The following PLD5 variants were observed in gnomAD, a reference collection of about 807,000 sequenced individuals.
The protein encoded by PLD5 is inactive phospholipase D5.
Under a neutral mutation model 61.1 loss-of-function variants are expected in PLD5, and 36 were observed. The observed-to-expected ratio is 0.59, with a 90% confidence interval of 0.45 to 0.78. The LOEUF (loss-of-function observed/expected upper bound fraction) is 0.78, where lower values mean the gene tolerates loss of function less well. Among genes scored for constraint, PLD5 ranks in the 30% least tolerant of loss-of-function variants. The probability of loss-of-function intolerance (pLI) is 0.00; values close to 1 mark genes in which losing one functional copy is unlikely to be tolerated. For missense variants in PLD5, 515 were observed against 644.4 expected, an observed-to-expected ratio of 0.80 and a Z score of 2.17; for synonymous variants, 243 against 242.8, an observed-to-expected ratio of 1.00 and a Z score of -0.01.
rs1449658368 is a variant in PLD5 at position 242,387,891 on chromosome 1, C to CT, written c.190-39650dup. ...GCATTAAGACTGTAGTTGACAGAGA[C>CT]TGAAAAGGTAAGGTTTGGTCTTGTT... is the stretch of plus-strand genomic sequence containing the variant. On this transcript the variant is annotated intron_variant, in intron 1 of 9. Coordinates refer to ENST00000536534, the MANE Select transcript of PLD5 (RefSeq NM_001372062.1). Among the ~76,000 whole-genome samples, 6 of 152,128 alleles carry CT rather than the reference C, an allele frequency of 3.9e-5. No individual in the cohort carries two copies. The East Asian group carries it at 9.7e-4, about 24-fold the overall frequency.
intron 1 of PLD5, among the ~76,000 whole-genome samples, chr1:242,465,267 G>GA (rs972065907): frequency 6.6e-6 from 1 of 152,142 alleles, no homozygotes; most frequent in African/African-American, 2.4e-5. Flanking sequence ...AATATATCCA[G>GA]AAGCCGAACC....
Position 242,090,206 on chromosome 1 carries a change from C to A in PLD5, c.1355-96G>T, listed in dbSNP as rs919847563. On this transcript the variant is annotated intron_variant, in intron 9 of 9. Transcript: ENST00000536534. ...CAGAGTGGATTCTATTAAAAATCATCAACATCCAGGAATAACAACGGAGAG... is the reference window on the plus strand; with the variant it reads ...CAGAGTGGATTCTATTAAAAATCATAAACATCCAGGAATAACAACGGAGAG... 23 of 1,475,448 alleles carry A rather than the reference C, an allele frequency of 1.6e-5. No individual in the cohort carries two copies. In the African/African-American group the frequency reaches 2.1e-4, roughly 14 times the overall value. The allele number at this position is 1,475,448 out of a possible 1,614,324, so 91.4% of individuals were successfully genotyped here.
intron 1 of PLD5, among the ~76,000 whole-genome samples, chr1:242,440,837 T>C (rs1190265592): frequency 1.3e-5 from 2 of 152,230 alleles, no homozygotes; most frequent in African/African-American, 4.8e-5. Context: ...CCTACTGCTC[T>C]GTCCATTACT....
intron 1 of PLD5, among the ~76,000 whole-genome samples, chr1:242,359,273 G>T (rs1319475833): frequency 1.3e-5 from 2 of 152,152 alleles, no homozygotes; most frequent in African/African-American, 2.4e-5. Context: ...TGTCAGAGAA[G>T]TTAGATGTCT....
chr1:242,171,657 G>T (rs1666756420), intron 5 of PLD5, among the ~76,000 whole-genome samples: 1 of 150,146 alleles, frequency 6.7e-6, no homozygotes, highest in Non-Finnish European at 1.5e-5. Context: ...ATCTCACATG[G>T]AAAAAACCAC....
chr1:242,485,579 G>A (rs937375182), intron 1 of PLD5, among the ~76,000 whole-genome samples: 2 of 152,236 alleles, frequency 1.3e-5, no homozygotes, highest in East Asian at 1.9e-4. Context: ...ACAAACAAAT[G>A]GAAGAACATT....
intron 4 of PLD5, among the ~76,000 whole-genome samples, chr1:242,235,043 A>T (rs1671550653): frequency 6.6e-6 from 1 of 152,192 alleles, no homozygotes; most frequent in Admixed American, 6.5e-5. Context: ...GAGTTTCGTG[A>T]GCTCTAAATG....
At chr1:242,219,242 A>G (rs1670411848) in intron 5 of PLD5, among the ~76,000 whole-genome samples, 1 of 152,226 alleles carries the variant, frequency 6.6e-6, no homozygotes, top group South Asian at 2.1e-4. Context: ...CTAATTTAAG[A>G]TAGATGATTA....
intron 1 of PLD5, chr1:242,377,401 G>T: frequency 1.6e-6 from 2 of 1,224,644 alleles, no homozygotes; most frequent in South Asian, 1.3e-5. Flanking sequence ...TCTAACTTCC[G>T]CTTGGGACTG....
chr1:242,426,683 T>G (rs1228604850), intron 1 of PLD5, among the ~76,000 whole-genome samples: 6 of 152,256 alleles, frequency 3.9e-5, no homozygotes, highest in Non-Finnish European at 8.8e-5. Context: ...TCTCCTCAGC[T>G]TAAAACAGGA....
intron 1 of PLD5, among the ~76,000 whole-genome samples, chr1:242,361,969 ATTTT>A (rs1172656842): frequency 1.5e-5 from 2 of 137,578 alleles, no homozygotes; most frequent in African/African-American, 2.7e-5. Flanking sequence ...ACCTCATCTC[ATTTT>A]TTTTTTTTTT....
At chr1:242,412,907 G>T (rs995117) in intron 1 of PLD5, among the ~76,000 whole-genome samples, 62,157 of 151,970 alleles carry the variant, frequency 0.41, 13,421 homozygotes, top group African/African-American at 0.55. Flanking sequence ...TTCTGGAGGG[G>T]CTGCACTGTC....
At chr1:242,355,118 G>C (rs1320768086) in intron 1 of PLD5, among the ~76,000 whole-genome samples, 1 of 152,124 alleles carries the variant, frequency 6.6e-6, no homozygotes, top group Non-Finnish European at 1.5e-5. Flanking sequence ...CTTTAGTATA[G>C]GGGTAATGCT....
At chr1:242,423,131 G>A (rs1050404795) in intron 1 of PLD5, among the ~76,000 whole-genome samples, 4 of 152,094 alleles carry the variant, frequency 2.6e-5, no homozygotes, top group African/African-American at 7.2e-5. Context: ...GATTACAGGT[G>A]AGAGCCACTG....
intron 1 of PLD5, among the ~76,000 whole-genome samples, chr1:242,434,038 T>A (rs1348156295): frequency 6.6e-6 from 1 of 152,186 alleles, no homozygotes; most frequent in Non-Finnish European, 1.5e-5. Context: ...AAGCTGCTAG[T>A]AAGTCAAGAG....
At chr1:242,487,373 A>G (rs559202062) in intron 1 of PLD5, among the ~76,000 whole-genome samples, 2 of 152,274 alleles carry the variant, frequency 1.3e-5, no homozygotes, top group Non-Finnish European at 2.9e-5. Context: ...TAGATCTTAC[A>G]CCTTTCACAA....
chr1:242,367,166 T>C (rs1571988591), intron 1 of PLD5, among the ~76,000 whole-genome samples: 1 of 152,136 alleles, frequency 6.6e-6, no homozygotes, highest in African/African-American at 2.4e-5. Flanking sequence ...AGTAATATCA[T>C]AATAATTTTA....
intron 1 of PLD5, among the ~76,000 whole-genome samples, chr1:242,454,140 G>C (rs1302981498): frequency 2.4e-4 from 36 of 152,232 alleles, no homozygotes; most frequent in African/African-American, 8.4e-4. Flanking sequence ...GACCAGCCTG[G>C]TCAGCATGGT....
intron 1 of PLD5, among the ~76,000 whole-genome samples, chr1:242,387,805 A>C (rs1406054703): frequency 1.3e-5 from 2 of 151,818 alleles, no homozygotes; most frequent in Non-Finnish European, 2.9e-5. Context: ...AGGAATTAGA[A>C]GGTAGCAATA....
Sources: gnomAD v4.1 joint callset for allele counts (sites outside exome capture counted in the v4.1 genomes callset) on GRCh38, gnomAD v4.1.1 for gene constraint, MANE v1.5 for transcripts, NCBI Gene and HGNC (gene_info 2026-07-23, HGNC 2026-07-21) for gene names.